SP100: variants seen among roughly 807,000 people sequenced by gnomAD.
The protein encoded by SP100 is SP100 nuclear body protein.
A neutral mutation model predicts 130.0 loss-of-function variants in SP100; 84 were observed. The ratio of observed to expected loss-of-function variants is 0.65; its 90% CI spans 0.54 to 0.77. The LOEUF is 0.77. Among genes scored for constraint, SP100 ranks in the 30% least tolerant of loss-of-function variants. SP100 has a pLI of 0.00. For missense variants in SP100, 978 were observed against 1,052.2 expected (o/e 0.93, Z 0.97); for synonymous variants, 331 against 351.7 (o/e 0.94, Z 0.66).
At chr2:230,489,455 A>T (rs963638722) in intron 17 of SP100, among the ~76,000 whole-genome samples, 77 of 148,774 alleles carry the variant, frequency 5.2e-4, no homozygotes, top group Middle Eastern at 3.4e-3. Context: ...TATTTTGTTA[A>T]TTTTTTCAAA....
At chr2:230,422,743 C>G (rs2062805397) in intron 2 of SP100, among the ~76,000 whole-genome samples, 1 of 152,144 alleles carries the variant, frequency 6.6e-6, no homozygotes, top group South Asian at 2.1e-4. Flanking sequence ...CAGGTGTGTT[C>G]AACCTGCCAG....
chr2:230,474,849 C>T (rs1006893954), intron 17 of SP100, among the ~76,000 whole-genome samples: 6 of 151,936 alleles, frequency 3.9e-5, no homozygotes, highest in Admixed American at 1.3e-4. Flanking sequence ...CATGTTGCTG[C>T]GAAGGGTGTG....
chr2:230,447,237 A>G (rs1370372336), intron 5 of SP100, among the ~76,000 whole-genome samples: 2 of 152,208 alleles, frequency 1.3e-5, no homozygotes, highest in Non-Finnish European at 1.5e-5. Context: ...CCCGTGGTCA[A>G]CATCAAAGAG....
intron 24 of SP100, among the ~76,000 whole-genome samples, chr2:230,532,880 A>G (rs1691767849): frequency 6.6e-6 from 1 of 152,164 alleles, no homozygotes; most frequent in African/African-American, 2.4e-5. Flanking sequence ...TCCTGGGTTC[A>G]AGCAACTCTC....
intron 17 of SP100, among the ~76,000 whole-genome samples, chr2:230,475,694 A>C (rs1044884565): frequency 1.3e-5 from 2 of 152,198 alleles, no homozygotes; most frequent in African/African-American, 4.8e-5. Flanking sequence ...TCTTTAATCC[A>C]TCTTGAGTTA....
At chr2:230,502,950 T>C in intron 19 of SP100, 116 bp from the exon 20 acceptor site, 1 of 772,532 alleles carries the variant, frequency 1.3e-6, no homozygotes, top group South Asian at 2.0e-5. Flanking sequence ...CGACTCCTGA[T>C]ATTTTTCTTT....
chr2:230,496,152 C>T (rs918041961), intron 18 of SP100, among the ~76,000 whole-genome samples: 2 of 152,156 alleles, frequency 1.3e-5, no homozygotes, highest in Non-Finnish European at 2.9e-5. Context: ...AGCCTCTCTA[C>T]CTTAACTATT....
chr2:230,515,156 G>A, intron 24 of SP100: 1 of 1,613,446 alleles, frequency 6.2e-7, no homozygotes, highest in Non-Finnish European at 8.5e-7. Context: ...TTAAAGAAGT[G>A]CTCAGAGACA....
At chr2:230,479,542 G>A (rs1288205953) in intron 17 of SP100, among the ~76,000 whole-genome samples, 1 of 151,964 alleles carries the variant, frequency 6.6e-6, no homozygotes, top group Non-Finnish European at 1.5e-5. Flanking sequence ...TTGTAAATTA[G>A]ACCACAGCTG....
Position 230,426,326 on chromosome 2 carries a change from G to T in SP100, c.107+8661G>T, listed in dbSNP as rs139497837. 1.4e-4 allele frequency among the ~76,000 whole-genome samples: 22 copies of T among 152,158 alleles called. 1 individual carries two copies. In the East Asian group the frequency reaches 4.0e-3, roughly 28 times the overall value. On this transcript the variant is annotated intron_variant, in intron 2 of 28. Transcript: ENST00000340126. ...CTTATCTTTCTTCATCAACTGTAAA[G>T]CTAAATGGTTTAAGATTTTTCTCCC... is the stretch of plus-strand genomic sequence containing the variant.
intron 17 of SP100, among the ~76,000 whole-genome samples, chr2:230,484,996 CATAGGTCA>C (rs2065999867): frequency 2.6e-5 from 4 of 152,114 alleles, no homozygotes; most frequent in Admixed American, 2.6e-4. Flanking sequence ...GTGGTGTAAT[CATAGGTCA>C]CTACAGCCTT....
chr2:230,458,871 A>G (rs2064429357), intron 8 of SP100, among the ~76,000 whole-genome samples: 1 of 152,226 alleles, frequency 6.6e-6, no homozygotes, highest in Admixed American at 6.5e-5. Context: ...TTGCAGAGGT[A>G]ACGTTAATAA....
At chr2:230,501,268 T>C (rs1360919082) in intron 19 of SP100, among the ~76,000 whole-genome samples, 1 of 151,514 alleles carries the variant, frequency 6.6e-6, no homozygotes, top group African/African-American at 2.4e-5. Context: ...ATAAAGGGGG[T>C]TGGGGGGAAA....
chr2:230,437,876 A>C lies in SP100; in HGVS notation c.108-5061A>C, dbSNP rs890280882. Among the ~76,000 whole-genome samples the C allele has an allele frequency of 2.6e-5, 4 of 152,260 alleles. No individual in the cohort carries two copies. In the East Asian group the frequency reaches 7.7e-4, roughly 29 times the overall value. ...CAGCCGTGTTCTCTGTTTTTAAGTCACAAGATTAAATATTAAATCACTCAT... is the reference window on the plus strand; with the variant it reads ...CAGCCGTGTTCTCTGTTTTTAAGTCCCAAGATTAAATATTAAATCACTCAT... On this transcript the variant is annotated intron_variant, in intron 2 of 28. Coordinates refer to ENST00000340126, the MANE Select transcript of SP100 (RefSeq NM_001080391.2).
intron 24 of SP100, among the ~76,000 whole-genome samples, chr2:230,532,888 C>G (rs547894374): frequency 2.0e-5 from 3 of 152,226 alleles, no homozygotes; most frequent in Non-Finnish European, 4.4e-5. Flanking sequence ...TCAAGCAACT[C>G]TCCTGCCTCA....
At chr2:230,505,952 A>G (rs910748364) in intron 21 of SP100, among the ~76,000 whole-genome samples, 3 of 152,182 alleles carry the variant, frequency 2.0e-5, no homozygotes, top group East Asian at 3.8e-4. Context: ...GGCTGACTCT[A>G]TATCAGGTCT....
rs1310114449 is a variant in SP100, at chr2:230,440,456, TA to T, written c.108-2478del. On this transcript the variant is annotated intron_variant, in intron 2 of 28. Transcript: ENST00000340126. ...TATTATTTTTTAAATTTAATTAAAT[TA>T]AATTTTTTATTTCAATAGGTTTTTG... 20 of 927,930 alleles carry T rather than the reference TA, an allele frequency of 2.2e-5. No homozygotes were observed. The African/African-American group carries it at 3.1e-4, about 14-fold the overall frequency. The allele number at this position is 927,930 out of a possible 1,614,324, so 57.5% of individuals were successfully genotyped here.
At chr2:230,419,931 T>C (rs1218893307) in intron 2 of SP100, among the ~76,000 whole-genome samples, 2 of 152,218 alleles carry the variant, frequency 1.3e-5, no homozygotes, top group Admixed American at 1.3e-4. Context: ...TGAAATGTTT[T>C]AGTTACTATG....
chr2:230,448,853 G>T (rs1348802038), intron 5 of SP100, among the ~76,000 whole-genome samples: 3 of 152,204 alleles, frequency 2.0e-5, no homozygotes, highest in African/African-American at 7.2e-5. Context: ...ACGCAGCAGA[G>T]TTGTCTGGCC....
Sources: allele counts gnomAD v4.1 joint callset (sites outside exome capture counted in the v4.1 genomes callset), GRCh38; gene constraint gnomAD v4.1.1; transcripts MANE v1.5; gene names NCBI Gene and HGNC (gene_info 2026-07-23, HGNC 2026-07-21).